Variants in PDE8A observed in about 807,000 individuals in gnomAD.
PDE8A encodes the protein high affinity cAMP-specific and IBMX-insensitive 3',5'-cyclic phosphodiesterase 8A.
In PDE8A, 59 loss-of-function variants were observed where a neutral mutation model predicts 105.0. The observed-to-expected ratio is 0.56, with a 90% CI of 0.46 to 0.70. PDE8A has a LOEUF of 0.70. Ranked by LOEUF, PDE8A falls within the 30% of genes least tolerant of loss-of-function variation. The pLI is 0.00. For missense variants in PDE8A, 1,014 were observed against 1,045.9 expected (o/e 0.97, Z 0.42); for synonymous variants, 355 against 371.9 (o/e 0.95, Z 0.52).
At chr15:85,032,921 T>A (rs779215777) in intron 1 of PDE8A, among the ~76,000 whole-genome samples, 54 of 152,186 alleles carry the variant, frequency 3.5e-4, no homozygotes, top group Admixed American at 9.8e-4. Context: ...TTCAAAAAAA[T>A]TTTTTAAGCC....
chr15:85,091,993 C>T (rs59201500), intron 8 of PDE8A, among the ~76,000 whole-genome samples: 4,740 of 145,446 alleles, frequency 0.033, 204 homozygotes, highest in African/African-American at 0.1. Flanking sequence ...ACTTGTGCAG[C>T]CTGCTCTGTG....
At chr15:84,998,352 G>T (rs1232182305) in intron 1 of PDE8A, among the ~76,000 whole-genome samples, 2 of 152,270 alleles carry the variant, frequency 1.3e-5, no homozygotes, top group Middle Eastern at 3.4e-3. Context: ...CACTGAGATG[G>T]CCTGGCCTCA....
At chr15:85,061,614 G>T (rs1435597601) in intron 1 of PDE8A, among the ~76,000 whole-genome samples, 2 of 152,110 alleles carry the variant, frequency 1.3e-5, no homozygotes. Flanking sequence ...GTCTCTTTGA[G>T]TTCATCTTAC....
At chr15:85,105,723 C>T (rs1377732556) in intron 11 of PDE8A, among the ~76,000 whole-genome samples, 1 of 152,210 alleles carries the variant, frequency 6.6e-6, no homozygotes, top group Non-Finnish European at 1.5e-5. Context: ...TGAGCCCAAG[C>T]CCTGGCTATG....
intron 13 of PDE8A, 111 bp from the exon 14 acceptor site, chr15:85,113,762 C>G: frequency 1.2e-6 from 1 of 802,396 alleles, no homozygotes; most frequent in East Asian, 2.6e-5. Context: ...TCAAGTAATT[C>G]TCCCACCTCA....
intron 1 of PDE8A, among the ~76,000 whole-genome samples, chr15:84,991,863 A>G (rs1451202082): frequency 6.6e-6 from 1 of 152,182 alleles, no homozygotes; most frequent in Non-Finnish European, 1.5e-5. Context: ...TTAAAGATTG[A>G]TAGGCTGGGA....
At chr15:85,040,262 G>T (rs566450475) in intron 1 of PDE8A, among the ~76,000 whole-genome samples, 1 of 150,444 alleles carries the variant, frequency 6.6e-6, no homozygotes, top group South Asian at 2.1e-4. Context: ...GGGCAATATA[G>T]CAAGACCTCT....
At chr15:84,999,573 T>TTGTTGC (rs1555464068) in intron 1 of PDE8A, among the ~76,000 whole-genome samples, 2 of 151,680 alleles carry the variant, frequency 1.3e-5, no homozygotes, top group African/African-American at 2.4e-5. Flanking sequence ...GTTGTTGTTG[T>TTGTTGC]TGCTGTTTTT....
In PDE8A at chr15:85,123,211, C is replaced by T; in HGVS notation, c.2085+18C>T. On this transcript the variant is annotated intron_variant, in intron 19 of 21. Transcript: ENST00000394553. The stretch of plus-strand genomic sequence containing the variant: ...AAAATGGGGTAAGGGAAACTTATTG[C>T]AAAGAGAACCTGTGTTTGGGGTCCT... The T allele has an allele frequency of 1.9e-6, 3 of 1,612,806 alleles. No homozygotes were observed. Among genetic ancestry groups the T allele is most frequent in the Non-Finnish European group, 2.5e-6 (3 of 1,178,980 alleles).
intron 1 of PDE8A, among the ~76,000 whole-genome samples, chr15:85,002,363 A>G (rs992115637): frequency 1.3e-5 from 2 of 152,186 alleles, no homozygotes; most frequent in Non-Finnish European, 2.9e-5. Flanking sequence ...TTATTAAAGG[A>G]TACAAATGAA....
intron 2 of PDE8A, among the ~76,000 whole-genome samples, chr15:85,065,958 A>G (rs1481343602): frequency 6.6e-6 from 1 of 152,238 alleles, no homozygotes; most frequent in Non-Finnish European, 1.5e-5. Context: ...TGACTGTGTC[A>G]CTTAACTGAT....
chr15:85,082,250 G>C (rs983265475), intron 5 of PDE8A, among the ~76,000 whole-genome samples: 11 of 152,150 alleles, frequency 7.2e-5, no homozygotes, highest in African/African-American at 2.7e-4. Context: ...GTAAGAAAGG[G>C]GCTCTGTTTT....
chr15:85,038,216 G>GTGTGTGTGTGTGT (rs1567242206), intron 1 of PDE8A, among the ~76,000 whole-genome samples: 1 of 48,292 alleles, frequency 2.1e-5, no homozygotes, highest in African/African-American at 1.0e-4. Context: ...CCAATTGGGG[G>GTGTGTGTGTGTGT]GTGTGTGTGT....
intron 1 of PDE8A, among the ~76,000 whole-genome samples, chr15:85,017,076 A>G (rs2080336875): frequency 6.6e-6 from 1 of 151,230 alleles, no homozygotes; most frequent in African/African-American, 2.4e-5. Context: ...CCTGGCTAAC[A>G]AGGTGAAACC....
At chr15:85,040,692 T>C (rs1444644163) in intron 1 of PDE8A, among the ~76,000 whole-genome samples, 1 of 151,592 alleles carries the variant, frequency 6.6e-6, no homozygotes, top group African/African-American at 2.4e-5. Flanking sequence ...TCCTGAGTAG[T>C]TGGGACTACA....
chr15:85,121,648 G>A (rs887390590), intron 18 of PDE8A, among the ~76,000 whole-genome samples: 1 of 151,872 alleles, frequency 6.6e-6, no homozygotes, highest in Non-Finnish European at 1.5e-5. Flanking sequence ...ATAATAACAT[G>A]TACAGTGGTT....
chr15:85,036,265 C>G (rs1053697833), intron 1 of PDE8A, among the ~76,000 whole-genome samples: 2 of 152,146 alleles, frequency 1.3e-5, no homozygotes, highest in Admixed American at 1.3e-4. Context: ...TGGTACTACT[C>G]TATTCTACAT....
chr15:85,014,913 C>G (rs957696420), intron 1 of PDE8A, among the ~76,000 whole-genome samples: 1 of 152,146 alleles, frequency 6.6e-6, no homozygotes, highest in Non-Finnish European at 1.5e-5. Context: ...ACAGTCCCTC[C>G]CCATTGCCTC....
chr15:85,085,543 C>G (rs756147995), intron 6 of PDE8A, among the ~76,000 whole-genome samples: 7 of 149,814 alleles, frequency 4.7e-5, no homozygotes, highest in Non-Finnish European at 1.0e-4. Flanking sequence ...ATTAAAAATA[C>G]TAAAATTAGC....
Sources: gnomAD v4.1 joint callset for allele counts (sites outside exome capture counted in the v4.1 genomes callset) on GRCh38, gnomAD v4.1.1 for gene constraint, MANE v1.5 for transcripts, NCBI Gene and HGNC (gene_info 2026-07-23, HGNC 2026-07-21) for gene names.